The following DOCK4 variants were observed in gnomAD, a reference collection of about 807,000 sequenced individuals.
DOCK4 encodes dedicator of cytokinesis 4, also known as dedicator of cytokinesis protein 4.
A neutral mutation model predicts 268.1 loss-of-function variants in DOCK4; 97 were observed. The ratio of observed to expected loss-of-function variants is 0.36; its 90% CI spans 0.31 to 0.43. The LOEUF is 0.43. Among genes scored for constraint, DOCK4 ranks in the 20% least tolerant of loss-of-function variants. DOCK4 has a pLI of 1.00. For synonymous variants in DOCK4, 954 were observed against 887.2 expected, an observed-to-expected ratio of 1.08 and a Z score of -1.34; for missense variants, 2,145 against 2,455.7, an observed-to-expected ratio of 0.87 and a Z score of 2.67.
At chr7:112,022,540 G>A (rs1019413319) in intron 1 of DOCK4, among the ~76,000 whole-genome samples, 2 of 152,130 alleles carry the variant, frequency 1.3e-5, no homozygotes, top group South Asian at 2.1e-4. Context: ...ACTTATTAAC[G>A]ACGTGAGCCC....
intron 8 of DOCK4, among the ~76,000 whole-genome samples, chr7:111,955,632 T>C (rs938246666): frequency 6.6e-6 from 1 of 152,190 alleles, no homozygotes; most frequent in Non-Finnish European, 1.5e-5. Context: ...CTGAAACAAA[T>C]ATCTCTGTTT....
At chr7:111,784,059 C>T (rs928134129) in intron 33 of DOCK4, 38 bp downstream of exon 33, 2 of 1,579,462 alleles carry the variant, frequency 1.3e-6, no homozygotes, top group Admixed American at 1.8e-5. Flanking sequence ...ACCACTGCAA[C>T]ATCTCACAAG....
At chr7:112,114,680 C>A (rs546836090) in intron 1 of DOCK4, among the ~76,000 whole-genome samples, 9 of 152,112 alleles carry the variant, frequency 5.9e-5, no homozygotes, top group Non-Finnish European at 1.2e-4. Context: ...AAGATGTGAA[C>A]CCGAGGGACT....
chr7:112,020,153 A>C (rs1802190238), intron 1 of DOCK4, among the ~76,000 whole-genome samples: 1 of 152,250 alleles, frequency 6.6e-6, no homozygotes, highest in South Asian at 2.1e-4. Flanking sequence ...GGACAGGGTA[A>C]CCAAGATCTC....
chr7:111,808,765 T>C, intron 30 of DOCK4, 56 bp downstream of exon 30: 2 of 1,571,042 alleles, frequency 1.3e-6, no homozygotes, highest in Non-Finnish European at 1.7e-6. Context: ...ATTTGTACAC[T>C]TCAAGGTACA....
intron 17 of DOCK4, among the ~76,000 whole-genome samples, chr7:111,876,717 T>C (rs1458397938): frequency 6.7e-6 from 1 of 148,384 alleles, no homozygotes; most frequent in Non-Finnish European, 1.5e-5. Context: ...TATGGAGCTA[T>C]AAAACACGAG....
chr7:111,892,782 A>G (rs1024188031), intron 16 of DOCK4, among the ~76,000 whole-genome samples: 1 of 152,254 alleles, frequency 6.6e-6, no homozygotes, highest in Non-Finnish European at 1.5e-5. Context: ...TCATAATCAT[A>G]AACTACAAGT....
intron 42 of DOCK4, among the ~76,000 whole-genome samples, chr7:111,750,583 G>T (rs1411197001): frequency 6.6e-6 from 1 of 152,162 alleles, no homozygotes; most frequent in Non-Finnish European, 1.5e-5. Flanking sequence ...CTGATGTGGG[G>T]AAGAAGGACC....
intron 27 of DOCK4, among the ~76,000 whole-genome samples, chr7:111,815,083 T>A (rs1801441866): frequency 6.6e-6 from 1 of 152,224 alleles, no homozygotes; most frequent in Admixed American, 6.5e-5. Context: ...TTTTACTTGA[T>A]AAGCCAATAA....
At chr7:112,071,350 T>C (rs1807565685) in intron 1 of DOCK4, among the ~76,000 whole-genome samples, 1 of 152,134 alleles carries the variant, frequency 6.6e-6, no homozygotes, top group Admixed American at 6.6e-5. Context: ...TTTTCCCTCA[T>C]GTATATTCCA....
chr7:111,760,662 AT>A (rs1476616616), intron 39 of DOCK4, among the ~76,000 whole-genome samples: 1 of 151,984 alleles, frequency 6.6e-6, no homozygotes, highest in Non-Finnish European at 1.5e-5. Context: ...TGTAAAGATT[AT>A]TTTTATAAAG....
At chr7:111,832,768 C>T (rs1249332013) in intron 26 of DOCK4, among the ~76,000 whole-genome samples, 1 of 152,208 alleles carries the variant, frequency 6.6e-6, no homozygotes, top group African/African-American at 2.4e-5. Context: ...GATCCACCCA[C>T]CTCGGCCTCC....
At chr7:111,755,263 G>C (rs1796941767) in intron 42 of DOCK4, among the ~76,000 whole-genome samples, 1 of 151,464 alleles carries the variant, frequency 6.6e-6, no homozygotes, top group African/African-American at 2.4e-5. Context: ...TCTAACTCAA[G>C]GGCCTGAATA....
At chr7:111,842,635 A>C (rs1215631038) in intron 25 of DOCK4, among the ~76,000 whole-genome samples, 1 of 152,154 alleles carries the variant, frequency 6.6e-6, no homozygotes, top group Non-Finnish European at 1.5e-5. Context: ...CAATGGGAGG[A>C]GCCTGGGCTT....
intron 1 of DOCK4, among the ~76,000 whole-genome samples, chr7:112,147,449 T>C (rs776893485): frequency 1.8e-4 from 28 of 152,306 alleles, no homozygotes; most frequent in Non-Finnish European, 4.0e-4. Context: ...CCACCTGACC[T>C]GTAACATTTC....
At chr7:111,914,618 C>A (rs973144564) in intron 13 of DOCK4, among the ~76,000 whole-genome samples, 1 of 152,100 alleles carries the variant, frequency 6.6e-6, no homozygotes, top group Non-Finnish European at 1.5e-5. Context: ...CTTATCTGCA[C>A]GGCTTCCTCA....
chr7:111,995,036 G>GTT (rs111944716), intron 4 of DOCK4, among the ~76,000 whole-genome samples: 1,386 of 121,910 alleles, frequency 0.011, 32 homozygotes, highest in African/African-American at 0.038. Context: ...GAAGTTTTGT[G>GTT]TTTTTTTTTT....
In DOCK4 at chr7:112,131,864, G is replaced by T. The variant is rs148897425; in HGVS notation, c.37+74238C>A. Among the ~76,000 whole-genome samples, 407 of 152,260 alleles carry T rather than the reference G, an allele frequency of 2.7e-3. 3 individuals carry two copies. Among genetic ancestry groups the T allele is most frequent in the African/African-American group, 9.4e-3 (389 of 41,544 alleles). ...TGGTTTCAAACTGAACTATTGGTATGGGGGGAGGAGGAGATGCTTTTAAAT... is the reference window on the plus strand; with the variant it reads ...TGGTTTCAAACTGAACTATTGGTATTGGGGGAGGAGGAGATGCTTTTAAAT... On this transcript the variant is annotated intron_variant, in intron 1 of 52. Transcript: ENST00000428084.
At chr7:112,019,844 G>C (rs1223930861) in intron 1 of DOCK4, among the ~76,000 whole-genome samples, 1 of 151,934 alleles carries the variant, frequency 6.6e-6, no homozygotes, top group Non-Finnish European at 1.5e-5. Flanking sequence ...GCCTACTAGG[G>C]GATGAAGTCT....
Sources: allele counts gnomAD v4.1 joint callset (sites outside exome capture counted in the v4.1 genomes callset), GRCh38; gene constraint gnomAD v4.1.1; transcripts MANE v1.5; gene names NCBI Gene and HGNC (gene_info 2026-07-23, HGNC 2026-07-21).